Variants in TUBD1 observed in about 807,000 individuals in gnomAD.
The protein encoded by TUBD1 is tubulin delta 1, also known as tubulin delta chain.
TUBD1 carries 38 observed loss-of-function variants against 51.2 expected under a neutral mutation model. That is an observed-to-expected ratio of 0.74 (90% CI 0.57 to 0.97). TUBD1 has a LOEUF of 0.97. Ranked by LOEUF, TUBD1 falls within the 50% of genes least tolerant of loss-of-function variation. The probability of loss-of-function intolerance (pLI) is 0.00; values close to 1 mark genes in which losing one functional copy is unlikely to be tolerated. For missense variants in TUBD1, 489 were observed against 538.4 expected, an observed-to-expected ratio of 0.91 and a Z score of 0.91; for synonymous variants, 169 against 178.2, an observed-to-expected ratio of 0.95 and a Z score of 0.41.
chr17:59,885,285 GC>G, intron 3 of TUBD1: 1 of 592,176 alleles, frequency 1.7e-6, no homozygotes, highest in Non-Finnish European at 3.2e-6. Context: ...GCTGGGACCA[GC>G]TGGACCTGAG....
rs181341337 is a variant in TUBD1 at position 59,890,320 on chromosome 17, T to C, written c.172+511A>G. ...GGGCAGTGGTGCGGTCTCGGCTCAC[T>C]GCAACCTCTGCCTCCTGGGTTCAAG... On this transcript the variant is annotated intron_variant, in intron 2 of 8. Coordinates refer to ENST00000325752, the MANE Select transcript of TUBD1 (RefSeq NM_016261.4). 6.8e-3 allele frequency among the ~76,000 whole-genome samples: 1,032 copies of C among 152,262 alleles called. 4 individuals carry two copies. The highest frequency in any genetic ancestry group is 7.7e-3 in the Non-Finnish European group (527 of 68,010).
rs190833830 is a variant in TUBD1 at position 59,860,141 on chromosome 17, G to T, written c.*181C>A. Reference sequence around the variant, plus strand: ...CGTCATTCTCCTGCCTCAGCCTCCCGAGTAGCTGGGACTACAGGCACCCGC... The same window carrying T: ...CGTCATTCTCCTGCCTCAGCCTCCCTAGTAGCTGGGACTACAGGCACCCGC... On this transcript the variant is annotated 3_prime_UTR_variant, in exon 9 of 9. Coordinates refer to ENST00000325752, the MANE Select transcript of TUBD1 (RefSeq NM_016261.4). The T allele has an allele frequency of 3.3e-5, 14 of 418,992 alleles. No individual in the cohort carries two copies. The East Asian group carries it at 5.6e-4, about 17-fold the overall frequency. The allele number at this position is 418,992 out of a possible 1,614,324, so 26.0% of individuals were successfully genotyped here. A position where few individuals can be genotyped will look rare whatever the true frequency, so the allele number is the denominator to read the frequency against.
At chr17:59,862,870 G>A (rs180971931) in intron 8 of TUBD1, among the ~76,000 whole-genome samples, 476 of 151,606 alleles carry the variant, frequency 3.1e-3, no homozygotes, top group Admixed American at 6.0e-3. Flanking sequence ...GACTACAGGC[G>A]CCCGCTACCA....
rs764393923 is a variant in TUBD1, at chr17:59,880,932, T to G, written c.499A>C (p.Lys167Gln). ...NLEDQYSNSLKMNQIIWPYGT... is the reference protein window; with the variant it reads ...NLEDQYSNSLQMNQIIWPYGT... Reference sequence around the variant, plus strand: ...TAAGGCCAAATAATCTGATTCATTTTCAATGAGTTTGAGTACTGATCTTCT... The same window carrying G: ...TAAGGCCAAATAATCTGATTCATTTGCAATGAGTTTGAGTACTGATCTTCT... Residue 167 changes from lysine (K) to glutamine (Q), a missense_variant, in exon 4 of 9, where the codon AAA becomes CAA. Coordinates refer to ENST00000325752, the MANE Select transcript of TUBD1 (RefSeq NM_016261.4). 2.5e-6 allele frequency: 4 copies of G among 1,614,194 alleles called. No individual in the cohort carries two copies.
At chr17:59,889,213 CCT>C (rs2040873542) in intron 2 of TUBD1, among the ~76,000 whole-genome samples, 1 of 149,930 alleles carries the variant, frequency 6.7e-6, no homozygotes, top group South Asian at 2.1e-4. Flanking sequence ...GGGGTTTTAC[CCT>C]GTTGGCCAGG....
intron 5 of TUBD1, among the ~76,000 whole-genome samples, chr17:59,875,287 G>A (rs1244758933): frequency 6.6e-6 from 1 of 151,236 alleles, no homozygotes; most frequent in Non-Finnish European, 1.5e-5. Context: ...ATGGTGGCCA[G>A]GATGGTCTCG....
At chr17:59,860,505 C>G (rs2050885386) in intron 8 of TUBD1, 81 bp from the exon 9 acceptor site, 1 of 816,724 alleles carries the variant, frequency 1.2e-6, no homozygotes, top group African/African-American at 1.8e-5. Flanking sequence ...ATAAACAGAC[C>G]TTTTCTAGCT....
rs1305023252 is a variant in TUBD1 at position 59,878,109 on chromosome 17, G to A, written c.763C>T (p.Pro255Ser). ...AESSFHYRRNPLGDLMEHLVP... is the reference protein window; with the variant it reads ...AESSFHYRRNSLGDLMEHLVP... ...CGTATAGAGGGACAAATACCTAGTG[G>A]ATTTCGTCTGTAGTGAAATGAGCTT... The change falls in exon 5 of 9, where the codon CCA (proline) becomes TCA (serine). Residue 255 changes from proline to serine, a missense_variant. Pro to Ser is a moderately conservative substitution (Grantham distance 74). Transcript: ENST00000325752. The A allele has an allele frequency of 1.2e-6, 2 of 1,612,972 alleles. No homozygotes were observed. The highest frequency in any genetic ancestry group is 3.3e-5 in the Admixed American group (2 of 59,988).
intron 2 of TUBD1, 27 bp from the exon 3 acceptor site, chr17:59,886,257 A>T: frequency 6.3e-7 from 1 of 1,595,960 alleles, no homozygotes; most frequent in Non-Finnish European, 8.5e-7. Context: ...ACCCAAAAAC[A>T]TCGAAAGAAA....
At chr17:59,886,051 C>A (rs1464707079) in intron 3 of TUBD1, 32 bp downstream of exon 3, 1 of 1,612,094 alleles carries the variant, frequency 6.2e-7, no homozygotes. Flanking sequence ...GTAGCTGTCA[C>A]TAAACTGAAA....
rs2041047842 is a variant in TUBD1 at position 59,891,605 on chromosome 17, C to G, written c.-39-564G>C. Among the ~76,000 whole-genome samples the G allele has an allele frequency of 2.6e-5, 4 of 152,142 alleles. No homozygotes were observed. The South Asian group carries it at 8.3e-4, about 32-fold the overall frequency. On this transcript the variant is annotated intron_variant, in intron 1 of 8. Coordinates refer to ENST00000325752, the MANE Select transcript of TUBD1 (RefSeq NM_016261.4). ...TACACAGCTCAATAGTTTCCAAAAT[C>G]TGATTTGTAATCACTTTTTTCCTAA... is the stretch of plus-strand genomic sequence containing the variant.
chr17:59,880,033 G>A (rs2144531349), intron 4 of TUBD1, among the ~76,000 whole-genome samples: 1 of 151,970 alleles, frequency 6.6e-6, no homozygotes, highest in South Asian at 2.1e-4. Context: ...GATTACAGGT[G>A]TGAGCCACTG....
intron 3 of TUBD1, among the ~76,000 whole-genome samples, chr17:59,883,738 C>T (rs1254181740): frequency 6.6e-6 from 1 of 151,576 alleles, no homozygotes; most frequent in Admixed American, 6.6e-5. Flanking sequence ...TTTTTCGTAG[C>T]GATAGGGCCT....
In TUBD1 at chr17:59,890,302, G is replaced by T. The variant is rs188880168; in HGVS notation, c.172+529C>A. ...CTCTGTCACCAGGCTGGAGGGCAGTGGTGCGGTCTCGGCTCACTGCAACCT... is the reference window on the plus strand; with the variant it reads ...CTCTGTCACCAGGCTGGAGGGCAGTTGTGCGGTCTCGGCTCACTGCAACCT... On this transcript the variant is annotated intron_variant, in intron 2 of 8. Coordinates refer to ENST00000325752, the MANE Select transcript of TUBD1 (RefSeq NM_016261.4). Among the ~76,000 whole-genome samples the T allele has an allele frequency of 2.6e-5, 4 of 152,248 alleles. No individual in the cohort carries two copies. In the East Asian group the frequency reaches 7.7e-4, roughly 29 times the overall value.
At chr17:59,869,250 C>T (rs563726337) in intron 6 of TUBD1, among the ~76,000 whole-genome samples, 1 of 151,510 alleles carries the variant, frequency 6.6e-6, no homozygotes, top group Non-Finnish European at 1.5e-5. Context: ...CCAAGGCGGG[C>T]AAATCACAAG....
At chr17:59,871,686 A>G (rs1164784554) in intron 6 of TUBD1, among the ~76,000 whole-genome samples, 1 of 152,188 alleles carries the variant, frequency 6.6e-6, no homozygotes, top group Non-Finnish European at 1.5e-5. Flanking sequence ...AAGCCTAGAG[A>G]GCAGTCAGTC....
intron 7 of TUBD1, among the ~76,000 whole-genome samples, chr17:59,865,768 A>AGTC (rs1568281140): frequency 6.6e-6 from 1 of 152,020 alleles, no homozygotes; most frequent in African/African-American, 2.4e-5. Context: ...AGAACTCAGT[A>AGTC]CCAGTCAATG....
chr17:59,892,233 T>C (rs1011859047), intron 1 of TUBD1, among the ~76,000 whole-genome samples: 1 of 152,078 alleles, frequency 6.6e-6, no homozygotes, highest in African/African-American at 2.4e-5. Flanking sequence ...AGATGCAGCT[T>C]GGAGAAAGAA....
At chr17:59,889,690 AAAAG>A (rs1053425229) in intron 2 of TUBD1, among the ~76,000 whole-genome samples, 1 of 149,774 alleles carries the variant, frequency 6.7e-6, no homozygotes, top group Non-Finnish European at 1.5e-5. Context: ...AAAAAAAAGA[AAAAG>A]AAAAAGAAAG....
Sources: gnomAD v4.1 joint callset for allele counts (sites outside exome capture counted in the v4.1 genomes callset) on GRCh38, gnomAD v4.1.1 for gene constraint, MANE v1.5 for transcripts, NCBI Gene and HGNC (gene_info 2026-07-23, HGNC 2026-07-21) for gene names.